The following LNX1 variants were observed in gnomAD, a reference collection of about 807,000 sequenced individuals.
LNX1 encodes E3 ubiquitin-protein ligase LNX.
LNX1 carries 54 observed loss-of-function variants against 68.4 expected under a neutral mutation model. The observed-to-expected ratio is 0.79, with a 90% CI of 0.63 to 0.99. LNX1 has a LOEUF of 0.99. LNX1 is among the 50% of genes least tolerant of loss of function. The pLI is 0.00. For missense variants in LNX1, 906 were observed against 926.4 expected (o/e 0.98, Z 0.29); for synonymous variants, 336 against 350.0 (o/e 0.96, Z 0.45).
intron 9 of LNX1, among the ~76,000 whole-genome samples, chr4:53,468,616 C>A (rs969542013): frequency 2.0e-5 from 3 of 152,112 alleles, no homozygotes; most frequent in Admixed American, 1.3e-4. Context: ...CAGAGACACA[C>A]ATAGGCTCAA....
chr4:53,525,986 C>T (rs1037479205), intron 2 of LNX1, among the ~76,000 whole-genome samples: 2 of 152,064 alleles, frequency 1.3e-5, no homozygotes, highest in African/African-American at 4.8e-5. Flanking sequence ...TTTCTAGTAT[C>T]TAATTACTAT....
At chr4:53,492,506 T>TGAGAGAGAGTGAGAGA (rs1553931985) in intron 6 of LNX1, among the ~76,000 whole-genome samples, 14 of 89,000 alleles carry the variant, frequency 1.6e-4, no homozygotes, top group African/African-American at 5.6e-4. Context: ...CAGAGGGCTC[T>TGAGAGAGAGTGAGAGA]GAGAGAGAGA....
chr4:53,581,601 C>T (rs1456729014), intron 1 of LNX1, among the ~76,000 whole-genome samples: 1 of 152,162 alleles, frequency 6.6e-6, no homozygotes, highest in East Asian at 1.9e-4. Flanking sequence ...AACATGGTGG[C>T]AGGCGAGAGA....
chr4:53,632,991 A>G (rs186162401), intron 1 of LNX1, among the ~76,000 whole-genome samples: 1 of 152,332 alleles, frequency 6.6e-6, no homozygotes, highest in Non-Finnish European at 1.5e-5. Context: ...AAGACAAGAC[A>G]TCATTAGTGT....
At chr4:53,477,046 G>T in intron 8 of LNX1, 65 bp from the exon 9 acceptor site, 1 of 1,364,936 alleles carries the variant, frequency 7.3e-7, no homozygotes, top group Non-Finnish European at 1.0e-6. Context: ...TGCTTAAAGT[G>T]CAAGGGGATA....
rs1734281731 is a variant in LNX1, at chr4:53,631,741, A to C, written c.-215+20427T>G. Among the ~76,000 whole-genome samples the C allele has an allele frequency of 2.0e-5, 3 of 152,234 alleles. No homozygotes were observed. In the South Asian group the frequency reaches 6.2e-4, roughly 32 times the overall value. The stretch of plus-strand genomic sequence containing the variant: ...AGGTGATTCTAATATGTAGGCCCAA[A>C]GTGACTGAGGAAGGCTTGTTTCAGT... On this transcript the variant is annotated intron_variant, in intron 1 of 2. Coordinates refer to the LNX1 transcript ENST00000507168.
chr4:53,608,271 G>A (rs1391425841), intron 2 of LNX1, among the ~76,000 whole-genome samples: 1 of 151,918 alleles, frequency 6.6e-6, no homozygotes, highest in Non-Finnish European at 1.5e-5. Context: ...AAAACAACAA[G>A]TAAAAAACAA....
intron 6 of LNX1, among the ~76,000 whole-genome samples, chr4:53,493,832 C>T (rs1428102884): frequency 1.3e-5 from 2 of 152,162 alleles, no homozygotes; most frequent in Non-Finnish European, 2.9e-5. Flanking sequence ...TGGATCTTGC[C>T]CTTCTCTTTT....
intron 1 of LNX1, among the ~76,000 whole-genome samples, chr4:53,634,464 G>A (rs1198690246): frequency 6.6e-6 from 1 of 151,936 alleles, no homozygotes; most frequent in Non-Finnish European, 1.5e-5. Context: ...GGCTGGTCTC[G>A]AACTCCTGAG....
At chr4:53,527,857 C>A (rs1381609753) in intron 2 of LNX1, among the ~76,000 whole-genome samples, 1 of 152,194 alleles carries the variant, frequency 6.6e-6, no homozygotes, top group African/African-American at 2.4e-5. Flanking sequence ...TCTTCTCCAA[C>A]AAATAAGGGA....
chr4:53,632,164 C>T (rs949949730), intron 1 of LNX1, among the ~76,000 whole-genome samples: 3 of 152,154 alleles, frequency 2.0e-5, no homozygotes, highest in African/African-American at 7.2e-5. Context: ...AGGTCCACTG[C>T]CTGAGGCTGG....
intron 7 of LNX1, among the ~76,000 whole-genome samples, chr4:53,481,433 G>A (rs1271498621): frequency 2.6e-5 from 4 of 152,152 alleles, no homozygotes; most frequent in Non-Finnish European, 4.4e-5. Context: ...ATGACTCTTG[G>A]TAAAAACATG....
chr4:53,618,771 G>T (rs12646532), upstream of LNX1, among the ~76,000 whole-genome samples: 1 of 152,008 alleles, frequency 6.6e-6, no homozygotes, highest in Non-Finnish European at 1.5e-5. Flanking sequence ...CTGTATTTTA[G>T]CTAACTAAAT....
chr4:53,624,404 GTTC>G (rs1560698232), intron 1 of LNX1, among the ~76,000 whole-genome samples: 1 of 151,996 alleles, frequency 6.6e-6, no homozygotes. Flanking sequence ...CTTTCACTTG[GTTC>G]TTATCCTCTC....
chr4:53,535,408 C>T (rs1728300686), intron 2 of LNX1, among the ~76,000 whole-genome samples: 1 of 152,192 alleles, frequency 6.6e-6, no homozygotes, highest in South Asian at 2.1e-4. Context: ...TCTCTCCCGT[C>T]CATCAAGAAT....
intron 1 of LNX1, among the ~76,000 whole-genome samples, chr4:53,647,407 T>C (rs1186311474): frequency 6.6e-6 from 1 of 152,218 alleles, no homozygotes; most frequent in African/African-American, 2.4e-5. Flanking sequence ...TCTCTTTTTC[T>C]ATAATTGCTA....
chr4:53,553,056 A>G (rs1351848732), intron 2 of LNX1, among the ~76,000 whole-genome samples: 1 of 152,160 alleles, frequency 6.6e-6, no homozygotes, highest in Non-Finnish European at 1.5e-5. Context: ...GTTGGCCAAG[A>G]TATGAGGCAA....
chr4:53,579,334 T>C (rs542205207), intron 1 of LNX1: 2 of 904,102 alleles, frequency 2.2e-6, no homozygotes, highest in African/African-American at 1.8e-5. Context: ...TTTCCTTCTT[T>C]CTGATCTGGA....
At position 53,498,725 on chromosome 4, in the gene LNX1, C is replaced by T. The variant is rs1725255752; in HGVS notation, c.894G>A (p.Leu298=). Residue 298 remains leucine, a synonymous_variant, in exon 5 of 11, where the codon CTG becomes CTA. Coordinates refer to ENST00000263925, the MANE Select transcript of LNX1 (RefSeq NM_001126328.3). ...IRLVGGSETP[L]VHIIIQHIYR... is the part of the protein sequence containing the mutation. ...AAATGTGTTGGATAATGATATGGAC[C>T]AGTGGGGTTTCGCTACCTCCCACCA... 1 of 1,614,000 alleles carries T rather than the reference C, an allele frequency of 6.2e-7. No individual in the cohort carries two copies. The highest frequency in any genetic ancestry group is 8.5e-7 in the Non-Finnish European group (1 of 1,179,910).
Sources: allele counts gnomAD v4.1 joint callset (sites outside exome capture counted in the v4.1 genomes callset), GRCh38; gene constraint gnomAD v4.1.1; transcripts MANE v1.5; gene names NCBI Gene and HGNC (gene_info 2026-07-23, HGNC 2026-07-21).